Variants in F5 observed in about 807,000 individuals in gnomAD.
F5 encodes activated protein c cofactor.
F5 carries 138 observed loss-of-function variants against 216.4 expected under a neutral mutation model. The ratio of observed to expected loss-of-function variants is 0.64; its 90% CI spans 0.56 to 0.73. The LOEUF (loss-of-function observed/expected upper bound fraction) is 0.73. F5 is among the 30% of genes least tolerant of loss of function. The pLI is 0.00. For missense variants in F5, 2,403 were observed against 2,674.0 expected, an observed-to-expected ratio of 0.90 and a Z score of 2.24; for synonymous variants, 916 against 930.7, an observed-to-expected ratio of 0.98 and a Z score of 0.29.
rs1659102692 is a variant in F5, at chr1:169,514,237, G to A, written c.*76C>T. 2.8e-6 allele frequency: 4 copies of A among 1,421,610 alleles called. No homozygotes were observed. The highest frequency in any genetic ancestry group is 1.7e-5 in the Admixed American group (1 of 59,350). 88.1% of individuals were successfully genotyped at this position (1,421,610 alleles called of 1,614,324 possible). A position where few individuals can be genotyped will look rare whatever the true frequency, so the allele number is the denominator to read the frequency against. ...TGGAAAACTGTTAACATTTAACACA[G>A]CGTAAAATACATTGCCCATTCTAAA... On this transcript the variant is annotated 3_prime_UTR_variant, in exon 25 of 25. Transcript: ENST00000367797.
At chr1:169,573,630 G>C (rs946958166) in intron 2 of F5, among the ~76,000 whole-genome samples, 3 of 152,208 alleles carry the variant, frequency 2.0e-5, no homozygotes, top group African/African-American at 7.2e-5. Context: ...GAACACAGCA[G>C]AGACAGGAGG....
intron 3 of F5, among the ~76,000 whole-genome samples, chr1:169,564,420 C>T (rs1041344773): frequency 2.6e-5 from 4 of 152,042 alleles, no homozygotes; most frequent in African/African-American, 9.7e-5. Context: ...GAGACTCTGT[C>T]TGGGTTCTCC....
chr1:169,533,340 A>G (rs1659632062), intron 14 of F5, among the ~76,000 whole-genome samples: 2 of 152,204 alleles, frequency 1.3e-5, no homozygotes, highest in Non-Finnish European at 2.9e-5. Context: ...ACCATTCTGG[A>G]TATCAGCCTT....
intron 11 of F5, 71 bp from the exon 12 acceptor site, chr1:169,544,579 G>T: frequency 1.6e-6 from 2 of 1,235,088 alleles, no homozygotes; most frequent in Non-Finnish European, 1.2e-6. Context: ...TTATACCTAA[G>T]ATAAATGTCT....
chr1:169,572,672 A>G (rs1660753074), intron 2 of F5, among the ~76,000 whole-genome samples: 1 of 152,186 alleles, frequency 6.6e-6, no homozygotes, highest in Non-Finnish European at 1.5e-5. Context: ...AAAGATGTTC[A>G]TTTCAATTAC....
intron 2 of F5, among the ~76,000 whole-genome samples, chr1:169,572,828 A>C (rs1660756865): frequency 6.6e-6 from 1 of 152,172 alleles, no homozygotes; most frequent in South Asian, 2.1e-4. Flanking sequence ...AGTAAGAAAA[A>C]CAGTACGGGA....
At position 169,512,015 on chromosome 1, in the gene F5, G is replaced by A. The variant is rs1392787172; in HGVS notation, c.*2298C>T. Among the ~76,000 whole-genome samples the A allele has an allele frequency of 6.6e-6, 1 of 151,996 alleles. No individual in the cohort carries two copies. Among genetic ancestry groups the A allele is most frequent in the Non-Finnish European group, 1.5e-5 (1 of 67,970 alleles). ...GTTTTAATATTTCTACACAGCATTA[G>A]ATAATAGCCCAAACATATTATTGAT... On this transcript the variant is annotated 3_prime_UTR_variant, in exon 25 of 25. Coordinates refer to ENST00000367797, the MANE Select transcript of F5 (RefSeq NM_000130.5).
chr1:169,556,092 G>A (rs1185568699), intron 6 of F5, among the ~76,000 whole-genome samples: 1 of 152,106 alleles, frequency 6.6e-6, no homozygotes, highest in African/African-American at 2.4e-5. Context: ...CATAACGTGG[G>A]TTGATTTATT....
At chr1:169,515,699 CA>C (rs1659141871) in intron 23 of F5, 73 bp from the exon 24 acceptor site, 1 of 1,451,414 alleles carries the variant, frequency 6.9e-7, no homozygotes, top group Non-Finnish European at 9.5e-7. Flanking sequence ...CCAAGTTATG[CA>C]AAAAAGCACA....
intron 5 of F5, among the ~76,000 whole-genome samples, chr1:169,557,601 C>T (rs1365662998): frequency 6.6e-6 from 1 of 152,048 alleles, no homozygotes; most frequent in Non-Finnish European, 1.5e-5. Flanking sequence ...CTTCTTTGCT[C>T]CTACAGTCAC....
intron 11 of F5, among the ~76,000 whole-genome samples, chr1:169,545,791 T>C (rs1382422529): frequency 6.6e-6 from 1 of 152,190 alleles, no homozygotes; most frequent in African/African-American, 2.4e-5. Flanking sequence ...ACTCTGAGGA[T>C]CAGTAGGGGG....
chr1:169,563,158 G>T (rs1660519556), intron 3 of F5, among the ~76,000 whole-genome samples: 1 of 151,992 alleles, frequency 6.6e-6, no homozygotes, highest in Non-Finnish European at 1.5e-5. Context: ...TTGTCTTCTG[G>T]TGTGCATAGT....
chr1:169,528,723 A>G (rs1659519426), intron 16 of F5, among the ~76,000 whole-genome samples: 1 of 152,194 alleles, frequency 6.6e-6, no homozygotes, highest in Non-Finnish European at 1.5e-5. Context: ...GATTTTTTAA[A>G]AAGTTCCTGA....
chr1:169,543,388 G>A (rs964150974), intron 12 of F5, among the ~76,000 whole-genome samples: 3 of 152,092 alleles, frequency 2.0e-5, no homozygotes, highest in Non-Finnish European at 4.4e-5. Context: ...CGTTCATCTC[G>A]CTTAACAGAA....
intron 2 of F5, among the ~76,000 whole-genome samples, chr1:169,580,376 G>T (rs1660960752): frequency 6.7e-6 from 1 of 148,452 alleles, no homozygotes; most frequent in Non-Finnish European, 1.5e-5. Context: ...CTTTTTTGTT[G>T]TTGTTGTTGT....
rs3820060 is a variant in F5, at chr1:169,515,314, T to G, written c.6528+130A>C. ...GGAGTTTGTCTGAGACCAGGCACCT[T>G]AAGAACTAAGATTTAGAAGACTTAA... is the stretch of plus-strand genomic sequence containing the variant. On this transcript the variant is annotated intron_variant, in intron 24 of 24. Coordinates refer to ENST00000367797, the MANE Select transcript of F5 (RefSeq NM_000130.5). 383,356 of 1,147,740 alleles carry G rather than the reference T, an allele frequency of 0.33. 65,926 individuals are homozygous for G. Among genetic ancestry groups the G allele is most frequent in the Admixed American group, 0.49 (28,648 of 58,112 alleles). 71.1% of individuals were successfully genotyped at this position (1,147,740 alleles called of 1,614,324 possible). A position where few individuals can be genotyped will look rare whatever the true frequency, so the allele number is the denominator to read the frequency against.
rs145531458 is a variant in F5 at position 169,547,644 on chromosome 1, C to T, written c.1612-1052G>A. ...GCAAATCAAAACCACAATGAGATACCATCTCGCACCAATAAGAATGGCTAT... is the reference window on the plus strand; with the variant it reads ...GCAAATCAAAACCACAATGAGATACTATCTCGCACCAATAAGAATGGCTAT... On this transcript the variant is annotated intron_variant, in intron 10 of 24. Coordinates refer to ENST00000367797, the MANE Select transcript of F5 (RefSeq NM_000130.5). 2.5e-3 allele frequency among the ~76,000 whole-genome samples: 381 copies of T among 152,120 alleles called. 10 individuals carry two copies. Among genetic ancestry groups the T allele is most frequent in the Non-Finnish European group, 4.3e-4 (29 of 67,984 alleles).
chr1:169,538,489 A>G (rs1265127406), intron 13 of F5, among the ~76,000 whole-genome samples: 2 of 152,216 alleles, frequency 1.3e-5, no homozygotes, highest in Non-Finnish European at 2.9e-5. Flanking sequence ...ACAAAAAAGT[A>G]TGTGAGGTAA....
chr1:169,544,185 G>A (rs1557917365), intron 12 of F5, 111 bp downstream of exon 12: 3 of 834,184 alleles, frequency 3.6e-6, no homozygotes, highest in Non-Finnish European at 4.0e-6. Context: ...GCCTGCAGGG[G>A]GTCAGGGAGA....
Sources: allele counts gnomAD v4.1 joint callset (sites outside exome capture counted in the v4.1 genomes callset), GRCh38; gene constraint gnomAD v4.1.1; transcripts MANE v1.5; gene names NCBI Gene and HGNC (gene_info 2026-07-23, HGNC 2026-07-21).